The following TRIM44 variants were observed in gnomAD, a reference collection of about 807,000 sequenced individuals.
The protein encoded by TRIM44 is tripartite motif containing 44, also known as tripartite motif-containing protein 44.
A neutral mutation model predicts 37.4 loss-of-function variants in TRIM44; 13 were observed. The ratio of observed to expected loss-of-function variants is 0.35; its 90% CI spans 0.23 to 0.55. The LOEUF is 0.55. Ranked by LOEUF, TRIM44 falls within the 20% of genes least tolerant of loss-of-function variation. The pLI, the probability that TRIM44 is intolerant of heterozygous loss-of-function variation, is 0.89. For synonymous variants in TRIM44, 175 were observed against 157.2 expected (o/e 1.11, Z -0.85); for missense variants, 426 against 437.2 (o/e 0.97, Z 0.23).
intron 4 of TRIM44, among the ~76,000 whole-genome samples, chr11:35,753,719 G>A (rs1198278206): frequency 6.6e-6 from 1 of 151,942 alleles, no homozygotes; most frequent in South Asian, 2.1e-4. Context: ...GAATATAGTT[G>A]CCAAATTGAT....
chr11:35,791,938 A>G (rs1406774793), intron 4 of TRIM44, among the ~76,000 whole-genome samples: 1 of 152,188 alleles, frequency 6.6e-6, no homozygotes, highest in Non-Finnish European at 1.5e-5. Context: ...GGGGAGTGAT[A>G]CAAAAACAGT....
chr11:35,806,372 A>G lies in TRIM44; in HGVS notation c.1022A>G (p.Glu341Gly), dbSNP rs1188092926. Residue 341 changes from glutamate to glycine, a missense_variant, in exon 5 of 5, where the codon GAA becomes GGA. Physicochemically the swap from Glu to Gly is moderately conservative, Grantham distance 98. Around this residue, in one of 2 missense-constraint regions of TRIM44, gnomAD observed 95 missense variants for 134.2 expected, o/e 0.71. Coordinates refer to ENST00000299413, the MANE Select transcript of TRIM44 (RefSeq NM_017583.6). ...TTCCTTTGTAGTGGTGCCAGTGAAG[A>G]AGAGGACACATGAAGGCTTGCTACC... is the stretch of plus-strand genomic sequence containing the variant. ...DEEGPSGASE[E>G]EDT is the part of the protein sequence containing the mutation. The G allele has an allele frequency of 6.2e-7, 1 of 1,613,702 alleles. No individual in the cohort carries two copies.
intron 4 of TRIM44, among the ~76,000 whole-genome samples, chr11:35,755,017 C>A (rs1184771262): frequency 2.6e-5 from 4 of 152,154 alleles, no homozygotes; most frequent in Non-Finnish European, 1.5e-5. Context: ...TGGGTATATA[C>A]CCAGTAATGG....
chr11:35,685,599 G>A (rs1851565776), intron 2 of TRIM44, among the ~76,000 whole-genome samples: 1 of 152,088 alleles, frequency 6.6e-6, no homozygotes, highest in Non-Finnish European at 1.5e-5. Flanking sequence ...CCTTTACCAG[G>A]GGTCTTTGAA....
chr11:35,693,469 T>C (rs995359106), intron 2 of TRIM44, among the ~76,000 whole-genome samples: 2 of 152,102 alleles, frequency 1.3e-5, no homozygotes, highest in African/African-American at 4.8e-5. Context: ...TACCTCTTTA[T>C]GCTGGAGTAT....
At chr11:35,757,651 C>T (rs1337453424) in intron 4 of TRIM44, among the ~76,000 whole-genome samples, 1 of 152,140 alleles carries the variant, frequency 6.6e-6, no homozygotes, top group Non-Finnish European at 1.5e-5. Context: ...TATAAATTTT[C>T]CTCTACACAC....
chr11:35,739,566 G>A (rs1042840013), intron 4 of TRIM44, among the ~76,000 whole-genome samples: 2 of 152,052 alleles, frequency 1.3e-5, no homozygotes, highest in Non-Finnish European at 2.9e-5. Flanking sequence ...GGTTGCTTCC[G>A]CTCTCAGCCT....
At chr11:35,750,209 T>C (rs565979148) in intron 4 of TRIM44, among the ~76,000 whole-genome samples, 43 of 152,318 alleles carry the variant, frequency 2.8e-4, no homozygotes, top group African/African-American at 1.0e-3. Context: ...GGAGCTATAG[T>C]AGAAACCAGA....
chr11:35,788,701 G>T (rs1328292039), intron 4 of TRIM44, among the ~76,000 whole-genome samples: 1 of 152,168 alleles, frequency 6.6e-6, no homozygotes, highest in Non-Finnish European at 1.5e-5. Context: ...ACAGTTAATG[G>T]CTCTATTTCC....
chr11:35,663,032 G>C lies in TRIM44; in HGVS notation c.-80G>C, dbSNP rs1851287851. ...GACTCCCTAGGAAGGGACCCGGGGCGGGAGGAGGAAGTGAGGCCGCGCGGA... is the reference window on the plus strand; with the variant it reads ...GACTCCCTAGGAAGGGACCCGGGGCCGGAGGAGGAAGTGAGGCCGCGCGGA... On this transcript the variant is annotated 5_prime_UTR_variant, in exon 1 of 5. Transcript: ENST00000299413. 1.4e-6 allele frequency: 2 copies of C among 1,438,824 alleles called. No individual in the cohort carries two copies. The highest frequency in any genetic ancestry group is 5.6e-5 in the Admixed American group (2 of 35,766). The allele number at this position is 1,438,824 out of a possible 1,614,324, so 89.1% of individuals were successfully genotyped here.
chr11:35,678,631 TAGAC>T (rs1851491039), intron 1 of TRIM44, among the ~76,000 whole-genome samples: 1 of 151,856 alleles, frequency 6.6e-6, no homozygotes, highest in African/African-American at 2.4e-5. Flanking sequence ...CCCATTCTCT[TAGAC>T]AGTGTCTCAC....
Position 35,810,898 on chromosome 11 carries a change from A to C in TRIM44, c.*4513A>C, listed in dbSNP as rs1289031636. ...CTTTACATTAAACAAGGGAACACTG[A>C]ATCTTTCAAGGGAATTACACGTTTG... is the stretch of plus-strand genomic sequence containing the variant. On this transcript the variant is annotated 3_prime_UTR_variant, in exon 5 of 5. Coordinates refer to ENST00000299413, the MANE Select transcript of TRIM44 (RefSeq NM_017583.6). 1 of 152,172 alleles carries C rather than the reference A, an allele frequency of 6.6e-6. No individual in the cohort carries two copies. The highest frequency in any genetic ancestry group is 1.5e-5 in the Non-Finnish European group (1 of 68,024). 9.4% of individuals were successfully genotyped at this position (152,172 alleles called of 1,614,324 possible).
intron 2 of TRIM44, among the ~76,000 whole-genome samples, chr11:35,702,323 C>T (rs950559773): frequency 2.0e-5 from 3 of 152,178 alleles, no homozygotes; most frequent in Admixed American, 6.5e-5. Context: ...TGTGGGCGGC[C>T]CGTGCGCATC....
At chr11:35,798,922 T>C (rs944923650) in intron 4 of TRIM44, among the ~76,000 whole-genome samples, 2 of 152,188 alleles carry the variant, frequency 1.3e-5, no homozygotes, top group Non-Finnish European at 2.9e-5. Flanking sequence ...GGTGGTAACA[T>C]AATGGAATTT....
chr11:35,685,145 C>T, intron 1 of TRIM44, 114 bp from the exon 2 acceptor site: 3 of 774,886 alleles, frequency 3.9e-6, no homozygotes, highest in Non-Finnish European at 6.6e-6. Flanking sequence ...TTGTTTAGCT[C>T]TCTTGGCTGT....
intron 3 of TRIM44, among the ~76,000 whole-genome samples, chr11:35,732,435 T>A (rs758714778): frequency 6.6e-6 from 1 of 152,210 alleles, no homozygotes; most frequent in Non-Finnish European, 1.5e-5. Flanking sequence ...CAGAATTTGC[T>A]TATAATAGGA....
At chr11:35,728,588 C>A (rs974045881) in intron 3 of TRIM44, among the ~76,000 whole-genome samples, 1 of 152,110 alleles carries the variant, frequency 6.6e-6, no homozygotes, top group African/African-American at 2.4e-5. Context: ...GCCTCTTGTT[C>A]CAGTTAATCT....
intron 4 of TRIM44, among the ~76,000 whole-genome samples, chr11:35,753,208 G>T (rs529403898): frequency 6.6e-6 from 1 of 152,168 alleles, no homozygotes; most frequent in African/African-American, 2.4e-5. Context: ...ACAATTGGGG[G>T]GGGAGTTAAA....
intron 1 of TRIM44, among the ~76,000 whole-genome samples, chr11:35,682,615 A>G (rs1053098443): frequency 1.1e-4 from 16 of 152,212 alleles, no homozygotes; most frequent in African/African-American, 3.6e-4. Context: ...TTGGTGAATA[A>G]TTCACAGAGA....
Sources: gnomAD v4.1 joint callset for allele counts (sites outside exome capture counted in the v4.1 genomes callset) on GRCh38, gnomAD v4.1.1 for gene constraint, gnomAD v4.1.1 regional missense constraint, MANE v1.5 for transcripts, NCBI Gene and HGNC (gene_info 2026-07-23, HGNC 2026-07-21) for gene names.